Variants in FBXO2 observed in about 807,000 individuals in gnomAD.
FBXO2 encodes F-box only protein 2.
FBXO2 carries 32 observed loss-of-function variants against 38.6 expected under a neutral mutation model. The observed-to-expected ratio is 0.83, with a 90% CI of 0.62 to 1.11. The LOEUF (loss-of-function observed/expected upper bound fraction) is 1.11, where lower values mean the gene tolerates loss of function less well. Among genes scored for constraint, FBXO2 ranks in the 50% most tolerant of loss-of-function variants. The pLI is 0.00. For synonymous variants in FBXO2, 189 were observed against 182.9 expected (o/e 1.03, Z -0.27); for missense variants, 450 against 418.3 (o/e 1.08, Z -0.66).
At chr1:11,650,887 A>C in intron 1 of FBXO2, 53 bp from the exon 2 acceptor site, 1 of 1,544,444 alleles carries the variant, frequency 6.5e-7, no homozygotes, top group Admixed American at 1.8e-5. Context: ...GTACTCCTCC[A>C]GGCCCCAGGA....
intron 3 of FBXO2, 27 bp from the exon 4 acceptor site, chr1:11,649,901 C>A (rs147900923): frequency 6.2e-7 from 1 of 1,613,842 alleles, no homozygotes; most frequent in African/African-American, 1.3e-5. Flanking sequence ...TAGGACAGAG[C>A]GAACGCTCCC....
chr1:11,654,178 G>A, intron 1 of FBXO2, 141 bp downstream of exon 1: 1 of 900,132 alleles, frequency 1.1e-6, no homozygotes, highest in Non-Finnish European at 1.6e-6. Context: ...TTTGGAGACC[G>A]CCTCTAGGGC....
chr1:11,648,619 T>C lies in FBXO2; in HGVS notation c.*75A>G. 2 of 1,566,152 alleles carry C rather than the reference T, an allele frequency of 1.3e-6. No individual in the cohort carries two copies. Among genetic ancestry groups the C allele is most frequent in the Admixed American group, 1.8e-5 (1 of 56,698 alleles). ...TGGCTTGGGGAAGGTGAGGACGCTA[T>C]GGACTAAGTTAAGGCCTATCTACCC... is the stretch of plus-strand genomic sequence containing the variant. On this transcript the variant is annotated 3_prime_UTR_variant, in exon 6 of 6. Transcript: ENST00000354287. The surrounding 1 kb of genome is among the most constrained non-coding windows in gnomAD (Gnocchi z 4.2).
rs900563766 is a variant in FBXO2 at position 11,648,795 on chromosome 1, C to T, written c.790G>A (p.Val264Ile). The change falls in exon 6 of 6, where the codon GTC (valine) becomes ATC (isoleucine). Residue 264 changes from valine (V) to isoleucine (I), a missense_variant. Val to Ile is a conservative substitution (Grantham distance 29, BLOSUM62 3). Transcript: ENST00000354287. The surrounding 1 kb of genome is among the most constrained non-coding windows in gnomAD (Gnocchi z 4.2). Reference sequence around the variant, plus strand: ...CCGTGCTCGAAGCGGACGAAGCGGACGCCCGGCCCGTAGTCGGTGAAGGTG... The same window carrying T: ...CCGTGCTCGAAGCGGACGAAGCGGATGCCCGGCCCGTAGTCGGTGAAGGTG... ...SHTFTDYGPGVRFVRFEHGGQ... is the reference protein window; with the variant it reads ...SHTFTDYGPGIRFVRFEHGGQ... The T allele has an allele frequency of 6.2e-6, 10 of 1,613,740 alleles. No individual in the cohort carries two copies. The East Asian group carries it at 1.3e-4, about 22-fold the overall frequency.
chr1:11,651,239 C>G (rs1406147548), intron 1 of FBXO2, among the ~76,000 whole-genome samples: 2 of 152,182 alleles, frequency 1.3e-5, no homozygotes, highest in Non-Finnish European at 1.5e-5. Flanking sequence ...TCCGGGACTT[C>G]CCCCTATGAC....
chr1:11,652,254 GC>G (rs776305599), intron 1 of FBXO2, among the ~76,000 whole-genome samples: 4 of 152,128 alleles, frequency 2.6e-5, no homozygotes, highest in Non-Finnish European at 5.9e-5. Context: ...GGAGAACAGA[GC>G]CTGGAGACCC....
chr1:11,650,741 T>G lies in FBXO2; in HGVS notation c.116A>C (p.Glu39Ala), dbSNP rs770139868. 115 of 1,295,938 alleles carry G rather than the reference T, an allele frequency of 8.9e-5. No homozygotes were observed. Among genetic ancestry groups the G allele is most frequent in the African/African-American group, 3.8e-4 (21 of 55,650 alleles). 80.3% of individuals were successfully genotyped at this position (1,295,938 alleles called of 1,614,324 possible). ...EERPEDQQEE[E>A]AAAAAAYLDE... ...CAGGTACGCGGCGGCGGCCGCCGCC[T>G]CCTCCTCCTGCTGGTCCTCCGGCCG... is the stretch of plus-strand genomic sequence containing the variant. The change falls in exon 2 of 6, where the codon GAG becomes GCG. Residue 39 changes from glutamate to alanine, a missense_variant. Physicochemically the swap from Glu to Ala is moderately radical, Grantham distance 107. Coordinates refer to ENST00000354287, the MANE Select transcript of FBXO2 (RefSeq NM_012168.6).
rs1313239191 is a variant in FBXO2 at position 11,650,498 on chromosome 1, C to A, written c.359G>T (p.Arg120Leu). The A allele has an allele frequency of 1.2e-6, 2 of 1,608,150 alleles. No individual in the cohort carries two copies. Among genetic ancestry groups the A allele is most frequent in the East Asian group, 4.5e-5 (2 of 44,648 alleles). The change falls in exon 2 of 6, where the codon CGC (arginine) becomes CTC (leucine). Residue 120 changes from arginine to leucine, a missense_variant. Physicochemically the swap from Arg to Leu is moderately radical, Grantham distance 102 (BLOSUM62 -2). Transcript: ENST00000354287. ...WQQFYFLSKR[R>L]RNLLRNPCGE... The stretch of plus-strand genomic sequence containing the variant: ...ACACGGGTTACGCAGAAGGTTGCGG[C>A]GCCGCTTGCTCAGGAAGTAGAACTG...
Position 11,650,455 on chromosome 1 carries a change from G to A in FBXO2, c.391+11C>T, listed in dbSNP as rs896613338. The A allele has an allele frequency of 9.3e-6, 15 of 1,604,716 alleles. No individual in the cohort carries two copies. The highest frequency in any genetic ancestry group is 1.7e-5 in the Admixed American group (1 of 59,208). Reference sequence around the variant, plus strand: ...AGGGGAAGCTGAGCTCGCCCAGCGAGGGCCTCTCACCTTCCCCACACGGGT... The same window carrying A: ...AGGGGAAGCTGAGCTCGCCCAGCGAAGGCCTCTCACCTTCCCCACACGGGT... On this transcript the variant is annotated intron_variant, in intron 2 of 5. Transcript: ENST00000354287.
chr1:11,648,719 T>C lies in FBXO2; in HGVS notation c.866A>G (p.Asn289Ser). The stretch of plus-strand genomic sequence containing the variant: ...TCAGGGTTCTACCCACACGCTGCTG[T>C]TGGTCACCCGGGCCCCGAACCAGCC... ...WKGWFGARVTNSSVWVEP is the reference protein window; with the variant it reads ...WKGWFGARVTSSSVWVEP The change falls in exon 6 of 6, where the codon AAC becomes AGC. Residue 289 changes from asparagine (N) to serine (S), a missense_variant. By Grantham distance (46) the Asn-to-Ser change is conservative. Coordinates refer to ENST00000354287, the MANE Select transcript of FBXO2 (RefSeq NM_012168.6). The surrounding 1 kb of genome is among the most constrained non-coding windows in gnomAD (Gnocchi z 4.2). 6.2e-7 allele frequency: 1 copy of C among 1,613,436 alleles called. No individual in the cohort carries two copies. Among genetic ancestry groups the C allele is most frequent in the South Asian group, 1.1e-5 (1 of 91,088 alleles).
chr1:11,650,509 C>A lies in FBXO2; in HGVS notation c.348G>T (p.Leu116=). 6.2e-7 allele frequency: 1 copy of A among 1,607,374 alleles called. No homozygotes were observed. The highest frequency in any genetic ancestry group is 8.5e-7 in the Non-Finnish European group (1 of 1,177,880). Residue 116 remains leucine (L), a synonymous_variant, in exon 2 of 6, where the codon CTG becomes CTT. Coordinates refer to ENST00000354287, the MANE Select transcript of FBXO2 (RefSeq NM_012168.6). ...GCAGAAGGTTGCGGCGCCGCTTGCT[C>A]AGGAAGTAGAACTGCTGCCAGTGGT... is the stretch of plus-strand genomic sequence containing the variant. The part of the protein sequence containing the change: ...ERDHWQQFYF[L]SKRRRNLLRN...
In FBXO2 at chr1:11,650,731, G is replaced by GGCC. The variant is rs756805231; in HGVS notation, c.123_125dup (p.Ala45dup). ...GCAGCTCGTCCAGGTACGCGGCGGC[G>GGCC]GCCGCCGCCTCCTCCTCCTGCTGGT... On this transcript the variant is annotated inframe_insertion, in exon 2 of 6. Transcript: ENST00000354287. 1.4e-4 allele frequency: 210 copies of GGCC among 1,526,300 alleles called. 3 individuals carry two copies. In the Admixed American group the frequency reaches 2.3e-3, roughly 17 times the overall value. 94.5% of individuals were successfully genotyped at this position (1,526,300 alleles called of 1,614,324 possible). A position where few individuals can be genotyped will look rare whatever the true frequency, so the allele number is the denominator to read the frequency against.
chr1:11,652,519 C>T (rs1639541086), intron 1 of FBXO2, among the ~76,000 whole-genome samples: 1 of 152,198 alleles, frequency 6.6e-6, no homozygotes. Flanking sequence ...AGGCAGATGT[C>T]ACCGCGGCAG....
At chr1:11,653,600 AATGCCC>A (rs959384432) in intron 1 of FBXO2, 12 of 152,294 alleles carry the variant, frequency 7.9e-5, no homozygotes, top group Admixed American at 7.9e-4. Context: ...TAACCCAAGC[AATGCCC>A]ATCCCCAGCT....
At chr1:11,650,381 C>T (rs753541697) in intron 2 of FBXO2, 85 bp downstream of exon 2, 65 of 1,518,038 alleles carry the variant, frequency 4.3e-5, no homozygotes, top group Non-Finnish European at 5.4e-5. Context: ...GCGCTTAATC[C>T]CATTTCTCCC....
At chr1:11,651,704 C>CTTTTTTT (rs34148336) in intron 1 of FBXO2, among the ~76,000 whole-genome samples, 1 of 145,388 alleles carries the variant, frequency 6.9e-6, no homozygotes. Context: ...AGGATTTTGA[C>CTTTTTTT]TTTTTTTTTT....
intron 1 of FBXO2, 177 bp downstream of exon 1, chr1:11,654,142 G>A (rs1003165609): frequency 4.7e-6 from 3 of 637,570 alleles, no homozygotes; most frequent in Admixed American, 4.2e-5. Flanking sequence ...CCTCCCGCCA[G>A]ACCAAGATAG....
intron 1 of FBXO2, 106 bp from the exon 2 acceptor site, chr1:11,650,940 C>A: frequency 1.4e-6 from 2 of 1,412,192 alleles, no homozygotes; most frequent in Non-Finnish European, 1.8e-6. Flanking sequence ...GTGGGACAAT[C>A]CACAGCTGGG....
chr1:11,648,593 G>A lies in FBXO2; in HGVS notation c.*101C>T, dbSNP rs1639455065. On this transcript the variant is annotated 3_prime_UTR_variant, in exon 6 of 6. Coordinates refer to ENST00000354287, the MANE Select transcript of FBXO2 (RefSeq NM_012168.6). This position sits in a 1 kb window ranked among gnomAD's most constrained non-coding sequence, Gnocchi z 4.2. ...GGAGCAAGGGATGGGAGGAGGATGT[G>A]TGGCTTGGGGAAGGTGAGGACGCTA... 6.8e-7 allele frequency: 1 copy of A among 1,465,378 alleles called. No individual in the cohort carries two copies. Among genetic ancestry groups the A allele is most frequent in the African/African-American group, 1.4e-5 (1 of 72,348 alleles). 90.8% of individuals were successfully genotyped at this position (1,465,378 alleles called of 1,614,324 possible).
Sources: gnomAD v4.1 joint callset for allele counts (sites outside exome capture counted in the v4.1 genomes callset) on GRCh38, gnomAD v4.1.1 for gene constraint, Gnocchi (gnomAD v3.1) non-coding constraint, MANE v1.5 for transcripts, NCBI Gene and HGNC (gene_info 2026-07-23, HGNC 2026-07-21) for gene names.